PYHIN1: variants seen among roughly 807,000 people sequenced by gnomAD.
PYHIN1 encodes the protein pyrin and HIN domain family member 1.
PYHIN1 carries 32 observed loss-of-function variants against 43.7 expected under a neutral mutation model. The observed-to-expected ratio is 0.73, with a 90% CI of 0.55 to 0.98. PYHIN1 has a LOEUF of 0.98. Among genes scored for constraint, PYHIN1 ranks in the 50% least tolerant of loss-of-function variants. The pLI is 0.00. For missense variants in PYHIN1, 588 were observed against 589.5 expected, an observed-to-expected ratio of 1.00 and a Z score of 0.03; for synonymous variants, 205 against 203.1, an observed-to-expected ratio of 1.01 and a Z score of -0.08.
At chr1:158,965,645 T>G (rs758229597) in intron 7 of PYHIN1, among the ~76,000 whole-genome samples, 14 of 152,082 alleles carry the variant, frequency 9.2e-5, no homozygotes, top group Non-Finnish European at 1.9e-4. Context: ...GAATGACTTT[T>G]GGGTGAATAA....
chr1:158,961,259 G>A (rs1650302515), intron 7 of PYHIN1, among the ~76,000 whole-genome samples: 1 of 152,152 alleles, frequency 6.6e-6, no homozygotes, highest in Non-Finnish European at 1.5e-5. Flanking sequence ...CAAAGATAGT[G>A]AGTGTGCTAA....
Position 158,931,789 on chromosome 1 carries a change from G to T in PYHIN1, c.-21+13G>T, listed in dbSNP as rs756881508. On this transcript the variant is annotated intron_variant, in intron 1 of 8. Coordinates refer to ENST00000368140, the MANE Select transcript of PYHIN1 (RefSeq NM_152501.5). The stretch of plus-strand genomic sequence containing the variant: ...AATTCCCAGTAAGGTGAGTACTGTG[G>T]GTATTTTTTATAGAAAAGATCTAGA... 1.3e-5 allele frequency: 2 copies of T among 152,040 alleles called. No individual in the cohort carries two copies. Among genetic ancestry groups the T allele is most frequent in the Non-Finnish European group, 1.5e-5 (1 of 67,988 alleles). The allele number at this position is 152,040 out of a possible 1,614,324, so 9.4% of individuals were successfully genotyped here.
intron 2 of PYHIN1, 124 bp from the exon 3 acceptor site, chr1:158,938,273 T>A: frequency 1.9e-6 from 2 of 1,037,366 alleles, no homozygotes; most frequent in Non-Finnish European, 2.9e-6. Context: ...GCTAATGCAA[T>A]AGAGATAGAC....
chr1:158,982,783 CT>C, the PYHIN1 span, among the ~76,000 whole-genome samples: 1 of 152,006 alleles, frequency 6.6e-6, no homozygotes, highest in African/African-American at 2.4e-5. Flanking sequence ...AATGAAATGT[CT>C]TTCCATTTGT....
At chr1:158,962,769 C>G (rs964269440) in intron 7 of PYHIN1, among the ~76,000 whole-genome samples, 1 of 152,162 alleles carries the variant, frequency 6.6e-6, no homozygotes, top group Non-Finnish European at 1.5e-5. Context: ...CTTCATCAGA[C>G]AGGGCTCCTG....
the PYHIN1 span, among the ~76,000 whole-genome samples, chr1:158,988,105 T>C: frequency 6.6e-6 from 1 of 152,212 alleles, no homozygotes; most frequent in Non-Finnish European, 1.5e-5. Context: ...CTGCTCATGC[T>C]TGATCTTGGA....
chr1:158,939,657 C>T, intron 4 of PYHIN1: 4 of 777,952 alleles, frequency 5.1e-6, no homozygotes, highest in Non-Finnish European at 8.7e-6. Context: ...ACCTGGCCAA[C>T]CCTATCCACC....
intron 7 of PYHIN1, among the ~76,000 whole-genome samples, chr1:158,964,654 A>C (rs891464936): frequency 6.6e-6 from 1 of 152,218 alleles, no homozygotes; most frequent in African/African-American, 2.4e-5. Context: ...AAAAATGAAA[A>C]AGAAATGAGA....
At chr1:158,936,824 A>G in intron 1 of PYHIN1, 67 bp from the exon 2 acceptor site, 1 of 1,039,440 alleles carries the variant, frequency 9.6e-7, no homozygotes, top group Non-Finnish European at 1.3e-6. Context: ...TTATTCACAT[A>G]GGCATACATC....
At chr1:158,973,598 C>A (rs571904831) in intron 7 of PYHIN1, 49 bp from the exon 8 acceptor site, 42 of 1,602,502 alleles carry the variant, frequency 2.6e-5, no homozygotes, top group Admixed American at 1.9e-4. Flanking sequence ...AAAACCAGTT[C>A]TTTCTGTCAT....
In PYHIN1 at chr1:158,973,783, C is replaced by G; in HGVS notation, c.*5+12C>G. 1 of 1,612,434 alleles carries G rather than the reference C, an allele frequency of 6.2e-7. No homozygotes were observed. Among genetic ancestry groups the G allele is most frequent in the Non-Finnish European group, 8.5e-7 (1 of 1,178,942 alleles). On this transcript the variant is annotated intron_variant, in intron 8 of 8. Transcript: ENST00000368140. ...GTTCCTTAAATAAGGTACCACCTTT[C>G]TATTTGCATTGCTGTACCTCTAAAA...
At chr1:158,979,242 C>G (rs1450756642), downstream of PYHIN1, among the ~76,000 whole-genome samples, 1 of 152,168 alleles carries the variant, frequency 6.6e-6, no homozygotes. Flanking sequence ...TGCAGCAGAT[C>G]TACAGAGCTT....
chr1:158,973,495 AAAGGG>A (rs1651053514), intron 7 of PYHIN1, 147 bp from the exon 8 acceptor site: 3 of 698,338 alleles, frequency 4.3e-6, no homozygotes, highest in Non-Finnish European at 4.5e-6. Context: ...GATTCTATAA[AAAGGG>A]ATTTTCACAC....
At chr1:158,984,041 T>TC in the PYHIN1 span, among the ~76,000 whole-genome samples, 1 of 150,382 alleles carries the variant, frequency 6.6e-6, no homozygotes, top group South Asian at 2.1e-4. Flanking sequence ...TTTTTTTTTT[T>TC]TTTTGTATAT....
intron 2 of PYHIN1, among the ~76,000 whole-genome samples, chr1:158,937,961 A>C (rs113812917): frequency 0.087 from 12,999 of 149,826 alleles, 772 homozygotes; most frequent in Non-Finnish European, 0.12. Context: ...AAAAAAAAAG[A>C]AAAAAAGTCA....
chr1:158,982,369 T>A, the PYHIN1 span, among the ~76,000 whole-genome samples: 1 of 152,204 alleles, frequency 6.6e-6, no homozygotes, highest in Non-Finnish European at 1.5e-5. Flanking sequence ...AACCAGCCAG[T>A]TATCCTGACA....
chr1:158,989,302 G>A, the PYHIN1 span, among the ~76,000 whole-genome samples: 2 of 152,122 alleles, frequency 1.3e-5, no homozygotes, highest in Non-Finnish European at 2.9e-5. Flanking sequence ...GTTGAGGTGA[G>A]GTGATTATAT....
At chr1:158,936,546 A>G (rs1257061012) in intron 1 of PYHIN1, among the ~76,000 whole-genome samples, 1 of 152,140 alleles carries the variant, frequency 6.6e-6, no homozygotes, top group Non-Finnish European at 1.5e-5. Flanking sequence ...TTCAACATAC[A>G]AAAATCAATA....
rs1043656884 is a variant in PYHIN1, at chr1:158,938,387, T to C, written c.266-10T>C. ...TCTGGGTTTATACATCTTCCTTTTT[T>C]CTGCATTAGTTGCAAATAAAATTGA... On this transcript the variant is annotated splice_polypyrimidine_tract_variant and intron_variant, in intron 2 of 8. Coordinates refer to ENST00000368140, the MANE Select transcript of PYHIN1 (RefSeq NM_152501.5). 6 of 1,614,114 alleles carry C rather than the reference T, an allele frequency of 3.7e-6. No homozygotes were observed. Among genetic ancestry groups the C allele is most frequent in the Non-Finnish European group, 5.1e-6 (6 of 1,179,954 alleles).
Sources: allele counts gnomAD v4.1 joint callset (sites outside exome capture counted in the v4.1 genomes callset), GRCh38; gene constraint gnomAD v4.1.1; transcripts MANE v1.5; gene names NCBI Gene and HGNC (gene_info 2026-07-23, HGNC 2026-07-21).